EIF3H: variants seen among roughly 807,000 people sequenced by gnomAD.
EIF3H encodes eukaryotic translation initiation factor 3 subunit H.
A neutral mutation model predicts 44.2 loss-of-function variants in EIF3H; 26 were observed. That is an observed-to-expected ratio of 0.59 (90% CI 0.43 to 0.82). EIF3H has a LOEUF of 0.82. EIF3H is among the 40% of genes least tolerant of loss of function. The probability of loss-of-function intolerance (pLI) is 0.00; values close to 1 mark genes in which losing one functional copy is unlikely to be tolerated. For synonymous variants in EIF3H, 166 were observed against 151.9 expected (o/e 1.09, Z -0.68); for missense variants, 359 against 432.8 (o/e 0.83, Z 1.51).
chr8:116,734,886 TTAAG>T (rs1457668347), intron 1 of EIF3H, among the ~76,000 whole-genome samples: 4 of 152,198 alleles, frequency 2.6e-5, no homozygotes, highest in Non-Finnish European at 5.9e-5. Context: ...TAAAATAACA[TTAAG>T]TAATTCAAAA....
chr8:116,694,216 A>G (rs1354959150), intron 2 of EIF3H, among the ~76,000 whole-genome samples: 1 of 151,908 alleles, frequency 6.6e-6, no homozygotes, highest in African/African-American at 2.4e-5. Flanking sequence ...ATCAGCAATC[A>G]GCAGTACATG....
intron 2 of EIF3H, among the ~76,000 whole-genome samples, chr8:116,685,891 C>G (rs1462823178): frequency 6.6e-6 from 1 of 152,144 alleles, no homozygotes; most frequent in African/African-American, 2.4e-5. Context: ...GGAGAAGAAC[C>G]TACTTGGATT....
At position 116,745,888 on chromosome 8, in the gene EIF3H, C is replaced by T. The variant is rs147058021; in HGVS notation, c.132+9778G>A. Among the ~76,000 whole-genome samples the T allele has an allele frequency of 7.3e-3, 1,110 of 151,792 alleles. 15 individuals are homozygous for T. The highest frequency in any genetic ancestry group is 0.025 in the African/African-American group (1,032 of 41,328). ...GTGAGCCAAGATCGGGCCACTGCACCCCAGCCCGGTCGACAGAGCAAGACT... is the reference window on the plus strand; with the variant it reads ...GTGAGCCAAGATCGGGCCACTGCACTCCAGCCCGGTCGACAGAGCAAGACT... On this transcript the variant is annotated intron_variant, in intron 1 of 7. Transcript: ENST00000521861.
chr8:116,762,979 G>A (rs1199548297), intron 1 of EIF3H, among the ~76,000 whole-genome samples: 1 of 152,204 alleles, frequency 6.6e-6, no homozygotes, highest in East Asian at 1.9e-4. Context: ...TCTGGGGAAT[G>A]GATTTGCTTA....
chr8:116,646,672 C>T lies in EIF3H; in HGVS notation c.829-69G>A, dbSNP rs903484043. 4 of 1,581,078 alleles carry T rather than the reference C, an allele frequency of 2.5e-6. No individual in the cohort carries two copies. The African/African-American group carries it at 5.4e-5, about 21-fold the overall frequency. On this transcript the variant is annotated intron_variant, in intron 6 of 7. Coordinates refer to ENST00000521861, the MANE Select transcript of EIF3H (RefSeq NM_003756.3). ...GAGGAGGAAAAAAAGATGTCCTTCC[C>T]CTACACAACCAGCAGAACCCCACTG...
chr8:116,680,906 T>C (rs1479254415), intron 2 of EIF3H, among the ~76,000 whole-genome samples: 1 of 151,662 alleles, frequency 6.6e-6, no homozygotes, highest in Non-Finnish European at 1.5e-5. Flanking sequence ...TTATTGCGCA[T>C]GTCTGGGTGC....
chr8:116,654,734 C>G (rs1276157781), intron 5 of EIF3H, among the ~76,000 whole-genome samples: 2 of 152,146 alleles, frequency 1.3e-5, no homozygotes, highest in Admixed American at 1.3e-4. Context: ...CATCGTCCAT[C>G]TCCCTGCCCC....
chr8:116,670,912 C>T (rs1487148816), intron 2 of EIF3H, among the ~76,000 whole-genome samples: 1 of 152,102 alleles, frequency 6.6e-6, no homozygotes, highest in East Asian at 1.9e-4. Flanking sequence ...AAGATACTTT[C>T]CTATGGAGGG....
intron 1 of EIF3H, among the ~76,000 whole-genome samples, chr8:116,755,083 T>C (rs1055372366): frequency 2.0e-5 from 3 of 152,244 alleles, no homozygotes; most frequent in Admixed American, 2.0e-4. Flanking sequence ...TCCTTGGATG[T>C]CCTAGTTCAT....
chr8:116,701,808 A>G (rs1187582069), intron 2 of EIF3H, among the ~76,000 whole-genome samples: 2 of 152,224 alleles, frequency 1.3e-5, no homozygotes, highest in Non-Finnish European at 2.9e-5. Flanking sequence ...AAAGAGATAC[A>G]ATGAAATCCA....
chr8:116,714,054 A>T (rs2130904835), intron 2 of EIF3H, among the ~76,000 whole-genome samples: 1 of 152,242 alleles, frequency 6.6e-6, no homozygotes, highest in Non-Finnish European at 1.5e-5. Flanking sequence ...GTCAAAAACA[A>T]CTTCTCTACC....
At position 116,663,669 on chromosome 8, in the gene EIF3H, G is replaced by A. The variant is rs145885556; in HGVS notation, c.290-4689C>T. ...TGGTCAGCTGCACGCCGTGGCTCTC[G>A]CCTGTAATCCCAGCACTTTGGGAGG... On this transcript the variant is annotated intron_variant, in intron 2 of 7. Coordinates refer to ENST00000521861, the MANE Select transcript of EIF3H (RefSeq NM_003756.3). Among the ~76,000 whole-genome samples the A allele has an allele frequency of 6.1e-3, 923 of 152,178 alleles. 6 individuals are homozygous for A. The highest frequency in any genetic ancestry group is 0.02 in the African/African-American group (848 of 41,512).
chr8:116,667,386 T>G (rs1261464686), intron 2 of EIF3H, among the ~76,000 whole-genome samples: 1 of 151,456 alleles, frequency 6.6e-6, no homozygotes, highest in Non-Finnish European at 1.5e-5. Context: ...TTCCTATAAA[T>G]CTCAGTTTCT....
At chr8:116,709,592 T>C (rs765365709) in intron 2 of EIF3H, among the ~76,000 whole-genome samples, 1 of 152,232 alleles carries the variant, frequency 6.6e-6, no homozygotes. Flanking sequence ...GCCAGTCCTC[T>C]TATCCATACA....
At chr8:116,680,502 G>A (rs1226325995) in intron 2 of EIF3H, among the ~76,000 whole-genome samples, 2 of 77,328 alleles carry the variant, frequency 2.6e-5, no homozygotes, top group Non-Finnish European at 5.5e-5. Context: ...TTCTGCCTTG[G>A]GATCCTGTTG....
At chr8:116,752,669 A>AAGGAAGGAAGGAAGGAAGGAAGGAAGG (rs1563662865) in intron 1 of EIF3H, among the ~76,000 whole-genome samples, 7 of 17,512 alleles carry the variant, frequency 4.0e-4, no homozygotes, top group African/African-American at 1.2e-3. Flanking sequence ...AGAAATGAAG[A>AAGGAAGGAAGGAAGGAAGGAAGGAAGG]AAGAAAGAAA....
chr8:116,646,633 A>G, intron 6 of EIF3H, 30 bp from the exon 7 acceptor site: 1 of 1,610,582 alleles, frequency 6.2e-7, no homozygotes, highest in Non-Finnish European at 8.5e-7. Context: ...TGGTTTGGTT[A>G]TTTTTCTCCA....
At chr8:116,755,573 C>T (rs1815426516) in intron 1 of EIF3H, 93 bp downstream of exon 1, 2 of 1,559,690 alleles carry the variant, frequency 1.3e-6, no homozygotes, top group Admixed American at 1.8e-5. Context: ...CCACACCAAG[C>T]CCAAGGGGGA....
chr8:116,711,193 G>A (rs993415880), intron 2 of EIF3H, among the ~76,000 whole-genome samples: 5 of 151,972 alleles, frequency 3.3e-5, no homozygotes, highest in Non-Finnish European at 7.4e-5. Flanking sequence ...TCTCACTGTC[G>A]GTCACATCAA....
Sources: allele counts gnomAD v4.1 joint callset (sites outside exome capture counted in the v4.1 genomes callset), GRCh38; gene constraint gnomAD v4.1.1; transcripts MANE v1.5; gene names NCBI Gene and HGNC (gene_info 2026-07-23, HGNC 2026-07-21).